The following MAST4 variants were observed in gnomAD, a reference collection of about 807,000 sequenced individuals.
MAST4 encodes microtubule-associated serine/threonine-protein kinase 4.
MAST4 carries 89 observed loss-of-function variants against 162.7 expected under a neutral mutation model. That is an observed-to-expected ratio of 0.55 (90% CI 0.46 to 0.65). The LOEUF is 0.65. Ranked by LOEUF, MAST4 falls within the 30% of genes least tolerant of loss-of-function variation. The pLI, the probability that MAST4 is intolerant of heterozygous loss-of-function variation, is 0.00. For synonymous variants in MAST4, 1,479 were observed against 1,361.1 expected, an observed-to-expected ratio of 1.09 and a Z score of -1.91; for missense variants, 3,153 against 3,374.0, an observed-to-expected ratio of 0.93 and a Z score of 1.62.
chr5:67,110,474 C>G (rs1561665665), intron 11 of MAST4, among the ~76,000 whole-genome samples: 1 of 152,224 alleles, frequency 6.6e-6, no homozygotes, highest in Non-Finnish European at 1.5e-5. Flanking sequence ...GACCTTATCT[C>G]AGCATAATTA....
chr5:66,691,130 T>C (rs1484196863), intron 1 of MAST4, among the ~76,000 whole-genome samples: 2 of 152,212 alleles, frequency 1.3e-5, no homozygotes, highest in African/African-American at 2.4e-5. Flanking sequence ...GGAGCTGGAA[T>C]TGCTGTTCTT....
chr5:67,107,223 C>T (rs557657890), intron 10 of MAST4, among the ~76,000 whole-genome samples: 1 of 152,248 alleles, frequency 6.6e-6, no homozygotes, highest in East Asian at 1.9e-4. Flanking sequence ...GGATTGCTAT[C>T]CAAAGCTATT....
chr5:67,030,640 C>T (rs1462108971), intron 4 of MAST4, among the ~76,000 whole-genome samples: 2 of 152,118 alleles, frequency 1.3e-5, no homozygotes, highest in African/African-American at 2.4e-5. Context: ...TAAGCCCTTC[C>T]ATTCTGTTGT....
chr5:67,067,010 C>T (rs1298099434), intron 5 of MAST4, among the ~76,000 whole-genome samples: 2 of 152,170 alleles, frequency 1.3e-5, no homozygotes, highest in Non-Finnish European at 2.9e-5. Flanking sequence ...GAACTTTGTA[C>T]CCAGTGACAT....
At position 67,164,520 on chromosome 5, in the gene MAST4, G is replaced by C. The variant is rs1313729356; in HGVS notation, c.5341G>C (p.Val1781Leu). 6.8e-6 allele frequency: 11 copies of C among 1,613,912 alleles called. No homozygotes were observed. The highest frequency in any genetic ancestry group is 9.3e-6 in the Non-Finnish European group (11 of 1,179,902). ...KPGLVAPESP[V>L]RKSPSEYKLE... ...TGGCTTGGTTGCTCCTGAGTCCCCT[G>C]TTAGGAAGAGCCCCTCCGAGTATAA... The change falls in exon 29 of 29, where the codon GTT (valine) becomes CTT (leucine). Residue 1781 changes from valine (V) to leucine (L), a missense_variant. Transcript: ENST00000403625. This position sits in a 1 kb window ranked among gnomAD's most constrained non-coding sequence, Gnocchi z 5.3.
intron 4 of MAST4, among the ~76,000 whole-genome samples, chr5:66,951,807 C>A (rs1331447123): frequency 6.6e-6 from 1 of 152,062 alleles, no homozygotes; most frequent in East Asian, 1.9e-4. Flanking sequence ...CTATAAAACT[C>A]TTGTTGGCAC....
chr5:66,823,825 CAT>C (rs766705515), intron 3 of MAST4, among the ~76,000 whole-genome samples: 63 of 152,118 alleles, frequency 4.1e-4, no homozygotes, highest in African/African-American at 7.5e-4. Flanking sequence ...AGAAGTGAAA[CAT>C]GTGGGAAAAT....
In MAST4 at chr5:66,726,663, A is replaced by G. The variant is rs548522450; in HGVS notation, c.364-33046A>G. The stretch of plus-strand genomic sequence containing the variant: ...CCTGATCTAAGGTTCTTACTGGTCC[A>G]TGGCCTCTTAGGACCTAGGTCATAC... On this transcript the variant is annotated intron_variant, in intron 1 of 28. Transcript: ENST00000403625. 6.6e-5 allele frequency among the ~76,000 whole-genome samples: 10 copies of G among 152,262 alleles called. No homozygotes were observed. In the South Asian group the frequency reaches 1.7e-3, roughly 25 times the overall value.
At chr5:66,698,132 A>C in intron 1 of MAST4, among the ~76,000 whole-genome samples, 1 of 150,928 alleles carries the variant, frequency 6.6e-6, no homozygotes, top group Non-Finnish European at 1.5e-5. Context: ...TGTAGTCTGG[A>C]CTCCTGCAAA....
At chr5:66,775,255 A>G (rs547878764) in intron 2 of MAST4, among the ~76,000 whole-genome samples, 1 of 152,140 alleles carries the variant, frequency 6.6e-6, no homozygotes, top group South Asian at 2.1e-4. Flanking sequence ...AGCTTGAGAG[A>G]TGGCCATTTG....
At chr5:66,677,935 C>G (rs1164323286) in intron 1 of MAST4, among the ~76,000 whole-genome samples, 1 of 152,130 alleles carries the variant, frequency 6.6e-6, no homozygotes, top group Non-Finnish European at 1.5e-5. Flanking sequence ...ATCCCTCCCC[C>G]TCCCCTTAAG....
intron 10 of MAST4, 56 bp downstream of exon 10, chr5:67,104,631 AT>A (rs111611459): frequency 2.7e-4 from 402 of 1,464,076 alleles, no homozygotes; most frequent in Non-Finnish European, 3.0e-4. Flanking sequence ...CCTGAAAAAA[AT>A]TTTTTTTTGC....
At chr5:66,926,588 A>G (rs919049305) in intron 4 of MAST4, among the ~76,000 whole-genome samples, 2 of 151,824 alleles carry the variant, frequency 1.3e-5, no homozygotes, top group Non-Finnish European at 2.9e-5. Context: ...ACACACACAC[A>G]CATATATGTA....
At chr5:66,602,763 G>A (rs1458891948) in intron 1 of MAST4, among the ~76,000 whole-genome samples, 2 of 152,156 alleles carry the variant, frequency 1.3e-5, no homozygotes, top group Non-Finnish European at 2.9e-5. Context: ...TTGCCAGAAA[G>A]GGCTTGCATT....
intron 1 of MAST4, among the ~76,000 whole-genome samples, chr5:66,661,154 A>AT (rs372319404): frequency 4.4e-4 from 67 of 152,300 alleles, no homozygotes; most frequent in African/African-American, 1.4e-3. Context: ...CTTTACCCTA[A>AT]TAGAGGTTCT....
At chr5:66,721,388 C>A (rs1302973350) in intron 1 of MAST4, among the ~76,000 whole-genome samples, 1 of 151,304 alleles carries the variant, frequency 6.6e-6, no homozygotes. Context: ...ATGGTCAATT[C>A]TCAGGCCTCA....
At chr5:67,139,040 G>A (rs1770043703) in intron 19 of MAST4, among the ~76,000 whole-genome samples, 1 of 152,006 alleles carries the variant, frequency 6.6e-6, no homozygotes, top group South Asian at 2.1e-4. Flanking sequence ...GTCTTTTTAG[G>A]GTTTGACAGT....
At chr5:66,913,556 C>T (rs781369634) in intron 4 of MAST4, among the ~76,000 whole-genome samples, 2 of 152,112 alleles carry the variant, frequency 1.3e-5, no homozygotes, top group Non-Finnish European at 2.9e-5. Flanking sequence ...TAGCTTTTGA[C>T]CATTATAAAT....
chr5:66,597,069 G>A, intron 1 of MAST4, 51 bp downstream of exon 1: 4 of 1,361,558 alleles, frequency 2.9e-6, no homozygotes, highest in East Asian at 6.1e-5. Context: ...CCGGGCGACC[G>A]TAGTTTCCCA....
Sources: gnomAD v4.1 joint callset for allele counts (sites outside exome capture counted in the v4.1 genomes callset) on GRCh38, gnomAD v4.1.1 for gene constraint, Gnocchi (gnomAD v3.1) non-coding constraint, MANE v1.5 for transcripts, NCBI Gene and HGNC (gene_info 2026-07-23, HGNC 2026-07-21) for gene names.